SCARB2: variants seen among roughly 807,000 people sequenced by gnomAD.
SCARB2 encodes scavenger receptor class B member 2.
A neutral mutation model predicts 58.6 loss-of-function variants in SCARB2; 29 were observed. The observed-to-expected ratio is 0.49, with a 90% confidence interval of 0.37 to 0.67. The LOEUF (loss-of-function observed/expected upper bound fraction) is 0.67. Among genes scored for constraint, SCARB2 ranks in the 30% least tolerant of loss-of-function variants. SCARB2 has a pLI of 0.00. For synonymous variants in SCARB2, 195 were observed against 210.1 expected, an observed-to-expected ratio of 0.93 and a Z score of 0.62; for missense variants, 488 against 578.5, an observed-to-expected ratio of 0.84 and a Z score of 1.60.
intron 9 of SCARB2, 150 bp from the exon 10 acceptor site, chr4:76,166,451 G>T: frequency 1.3e-6 from 1 of 790,892 alleles, no homozygotes; most frequent in Non-Finnish European, 2.2e-6. Flanking sequence ...TTGCAAACAT[G>T]TACCCCAAAA....
chr4:76,176,187 G>T, intron 5 of SCARB2: 1 of 601,792 alleles, frequency 1.7e-6, no homozygotes, highest in South Asian at 2.0e-5. Flanking sequence ...TGACTACTAA[G>T]CAAGAGTGGG....
chr4:76,233,074 T>C (rs902152857), intron 1 of SCARB2, among the ~76,000 whole-genome samples: 2 of 151,836 alleles, frequency 1.3e-5, no homozygotes, highest in East Asian at 1.9e-4. Context: ...TGCTTCCTTA[T>C]AACCTTTTAC....
At chr4:76,171,705 C>G (rs1448260846) in intron 7 of SCARB2, among the ~76,000 whole-genome samples, 6 of 145,296 alleles carry the variant, frequency 4.1e-5, no homozygotes, top group Admixed American at 4.0e-4. Context: ...CAGATGCACA[C>G]CAGATGAGGG....
intron 1 of SCARB2, among the ~76,000 whole-genome samples, chr4:76,231,822 T>C (rs1007932046): frequency 1.3e-5 from 2 of 152,216 alleles, no homozygotes; most frequent in South Asian, 2.1e-4. Context: ...CATTCTTTAC[T>C]GACCATAGGA....
chr4:76,199,635 G>T (rs1185993465), intron 1 of SCARB2, among the ~76,000 whole-genome samples: 1 of 152,110 alleles, frequency 6.6e-6, no homozygotes, highest in Non-Finnish European at 1.5e-5. Context: ...ATTTTATTTG[G>T]CAACTCTAGC....
rs756807960 is a variant in SCARB2, at chr4:76,168,461, G to T, written c.1129C>A (p.Leu377Ile). 1 of 1,613,870 alleles carries T rather than the reference G, an allele frequency of 6.2e-7. No homozygotes were observed. The highest frequency in any genetic ancestry group is 1.7e-5 in the Admixed American group (1 of 60,018). Residue 377 changes from leucine to isoleucine, a missense_variant, in exon 9 of 12, where the codon CTA (leucine) becomes ATA (isoleucine). By Grantham distance (5) the Leu-to-Ile change is conservative (BLOSUM62 2). Coordinates refer to ENST00000264896, the MANE Select transcript of SCARB2 (RefSeq NM_005506.4). The stretch of plus-strand genomic sequence containing the variant: ...ATTTGGAACCTCTTGGCTGCTTTTA[G>T]GATTATTCCAGTCAACTGCAAATCA... The part of the protein sequence containing the change: ...VDINPLTGII[L>I]KAAKRFQINI...
rs1731864752 is a variant in SCARB2 at position 76,160,059 on chromosome 4, T to C, written c.*1654A>G. 1 of 152,198 alleles carries C rather than the reference T, an allele frequency of 6.6e-6. No individual in the cohort carries two copies. Among genetic ancestry groups the C allele is most frequent in the Non-Finnish European group, 1.5e-5 (1 of 68,038 alleles). 9.4% of individuals were successfully genotyped at this position (152,198 alleles called of 1,614,324 possible). A position where few individuals can be genotyped will look rare whatever the true frequency, so the allele number is the denominator to read the frequency against. ...TTGGTGAGTTGGAGTATCTAAAGGT[T>C]CTATCTTGATTCTATAGAAAATTTG... On this transcript the variant is annotated 3_prime_UTR_variant, in exon 12 of 12. Transcript: ENST00000264896.
At position 76,213,437 on chromosome 4, in the gene SCARB2, C is replaced by A. The variant is rs1733108473; in HGVS notation, c.107G>T (p.Ser36Ile). 1 of 1,609,512 alleles carries A rather than the reference C, an allele frequency of 6.2e-7. No individual in the cohort carries two copies. The highest frequency in any genetic ancestry group is 1.3e-5 in the African/African-American group (1 of 74,836). The part of the protein sequence containing the change: ...ARVFQKAVDQ[S>I]IEKKIVLRNG... ...CCCGCCCCGCCTCACCTTCTCGATA[C>A]TCTGGTCTACAGCCTTCTGGAAGAC... Residue 36 changes from serine (S) to isoleucine (I), a missense_variant, in exon 1 of 12, where the codon AGT (serine) becomes ATT (isoleucine). Ser to Ile is a moderately radical substitution (Grantham distance 142). Coordinates refer to ENST00000264896, the MANE Select transcript of SCARB2 (RefSeq NM_005506.4).
At chr4:76,167,254 C>G (rs990524549) in intron 9 of SCARB2, among the ~76,000 whole-genome samples, 1 of 152,144 alleles carries the variant, frequency 6.6e-6, no homozygotes, top group African/African-American at 2.4e-5. Context: ...GACTCTGTCT[C>G]AAGTCTCTGA....
chr4:76,218,016 G>A (rs1030029117), upstream of SCARB2, among the ~76,000 whole-genome samples: 4 of 152,198 alleles, frequency 2.6e-5, no homozygotes, highest in Non-Finnish European at 5.9e-5. Context: ...GTGTTAATGT[G>A]TTAAATATAA....
upstream of SCARB2, chr4:76,217,463 T>C: frequency 2.5e-6 from 1 of 406,910 alleles, no homozygotes; most frequent in Non-Finnish European, 4.3e-6. Flanking sequence ...CCCTCAGGCA[T>C]GAGTGAGTTG....
At chr4:76,213,120 C>T (rs555146289) in intron 1 of SCARB2, 96 of 389,620 alleles carry the variant, frequency 2.5e-4, no homozygotes, top group Admixed American at 7.4e-4. Context: ...AGTTTGGGCC[C>T]ACCTGAGATT....
intron 4 of SCARB2, chr4:76,176,930 C>T (rs1419552657): frequency 1.2e-5 from 2 of 162,268 alleles, no homozygotes; most frequent in Admixed American, 1.3e-4. Flanking sequence ...CTCCCATAAT[C>T]ACATAAGCCA....
At chr4:76,188,238 T>G (rs1049026771) in intron 2 of SCARB2, among the ~76,000 whole-genome samples, 31 of 152,150 alleles carry the variant, frequency 2.0e-4, no homozygotes, top group African/African-American at 7.2e-4. Flanking sequence ...GATACAAATT[T>G]TATACAAATA....
chr4:76,220,135 G>C (rs967627605), intron 1 of SCARB2, among the ~76,000 whole-genome samples: 6 of 152,276 alleles, frequency 3.9e-5, no homozygotes, highest in Non-Finnish European at 7.3e-5. Flanking sequence ...ATTATCATAT[G>C]ACCTAGCAAC....
intron 9 of SCARB2, among the ~76,000 whole-genome samples, chr4:76,167,394 C>T (rs994538263): frequency 2.0e-5 from 3 of 152,198 alleles, no homozygotes; most frequent in South Asian, 2.1e-4. Flanking sequence ...TAGCACCATT[C>T]GCTTGGTGCT....
chr4:76,217,701 C>T (rs753290145), upstream of SCARB2: 7 of 580,316 alleles, frequency 1.2e-5, no homozygotes, highest in South Asian at 1.4e-4. Flanking sequence ...ATTGTTATAG[C>T]AACACAAACA....
rs532950532 is a variant in SCARB2, at chr4:76,199,668, G to A, written c.118-3804C>T. On this transcript the variant is annotated intron_variant, in intron 1 of 11. Transcript: ENST00000264896. ...AGCCCAGAGGGACAGTGAAACTATG[G>A]AGAAGCCATAAGTTGGACTCTGAAC... Among the ~76,000 whole-genome samples, 434 of 152,306 alleles carry A rather than the reference G, an allele frequency of 2.8e-3. 3 individuals carry two copies. Among genetic ancestry groups the A allele is most frequent in the African/African-American group, 1.0e-2 (414 of 41,566 alleles).
At chr4:76,217,721 G>A (rs576496781), upstream of SCARB2, 271 of 532,734 alleles carry the variant, frequency 5.1e-4, 2 homozygotes, top group East Asian at 1.5e-3. Flanking sequence ...AGACAAGGGC[G>A]GAAAATGAGG....
Sources: allele counts gnomAD v4.1 joint callset (sites outside exome capture counted in the v4.1 genomes callset), GRCh38; gene constraint gnomAD v4.1.1; transcripts MANE v1.5; gene names NCBI Gene and HGNC (gene_info 2026-07-23, HGNC 2026-07-21).